Variants in DRC4 observed in about 807,000 individuals in gnomAD.
DRC4 encodes the protein GAS-11.
the DRC4 span, chr16:90,043,011 T>G: frequency 1.6e-6 from 1 of 611,894 alleles, no homozygotes; most frequent in South Asian, 2.2e-5. Flanking sequence ...CTCCCTGTCG[T>G]GCTACCTGAG....
At chr16:90,040,127 A>G in the DRC4 span, 1 of 652,630 alleles carries the variant, frequency 1.5e-6, no homozygotes, top group Non-Finnish European at 2.7e-6. Context: ...TGGCTCTACA[A>G]AGGGCCAGGG....
chr16:90,038,419 C>T, the DRC4 span, among the ~76,000 whole-genome samples: 1 of 152,234 alleles, frequency 6.6e-6, no homozygotes, highest in Non-Finnish European at 1.5e-5. Context: ...CTTTTCACAG[C>T]TGCTTGGTGC....
At chr16:90,022,263 G>A in the DRC4 span, 1 of 159,166 alleles carries the variant, frequency 6.3e-6, no homozygotes, top group Admixed American at 6.5e-5. Flanking sequence ...GTGGGCGGGT[G>A]GGGTGAGTGA....
the DRC4 span, chr16:90,037,680 G>C: frequency 7.2e-7 from 1 of 1,381,384 alleles, no homozygotes; most frequent in Non-Finnish European, 1.0e-6. Flanking sequence ...TTTTGGCCTT[G>C]CCATCTCCCA....
the DRC4 span, chr16:90,037,313 G>A: frequency 1.4e-5 from 22 of 1,613,896 alleles, no homozygotes; most frequent in Non-Finnish European, 1.6e-5. Context: ...CAAGCGCCTG[G>A]CAGACCCTCT....
the DRC4 span, chr16:90,042,549 C>T: frequency 3.1e-6 from 5 of 1,610,968 alleles, no homozygotes; most frequent in Non-Finnish European, 4.2e-6. Context: ...CGGCTGTGCC[C>T]TGCCCTCCCT....
the DRC4 span, chr16:90,042,823 G>T: frequency 1.2e-5 from 6 of 519,570 alleles, no homozygotes; most frequent in Admixed American, 1.3e-4. Context: ...GTCAGAAGGT[G>T]CTGTGCCCAC....
chr16:90,039,510 C>G, the DRC4 span, among the ~76,000 whole-genome samples: 12 of 151,938 alleles, frequency 7.9e-5, 1 homozygote, highest in Admixed American at 7.2e-4. Context: ...CTCGGCCTCC[C>G]GAGTAGCTGG....
chr16:90,035,848 C>A, the DRC4 span: 3 of 1,521,998 alleles, frequency 2.0e-6, no homozygotes, highest in Non-Finnish European at 2.6e-6. Context: ...GCCAGTGGAC[C>A]CACTCAGAAT....
the DRC4 span, chr16:90,037,452 C>T: frequency 6.4e-7 from 1 of 1,554,196 alleles, no homozygotes; most frequent in Non-Finnish European, 8.7e-7. Flanking sequence ...TGCCTAGGCT[C>T]AGGAGGGAGG....
the DRC4 span, among the ~76,000 whole-genome samples, chr16:90,033,088 C>G: frequency 1.2e-4 from 18 of 152,136 alleles, no homozygotes; most frequent in African/African-American, 4.3e-4. Context: ...AAGCATGCAT[C>G]CAAACAAACC....
chr16:90,040,414 G>A, the DRC4 span: 29 of 1,612,174 alleles, frequency 1.8e-5, no homozygotes, highest in Non-Finnish European at 2.2e-5. Context: ...GGCTCTGAGC[G>A]CCGCTGTGGA....
the DRC4 span, among the ~76,000 whole-genome samples, chr16:90,025,896 G>A: frequency 6.6e-6 from 1 of 151,330 alleles, no homozygotes; most frequent in African/African-American, 2.4e-5. Context: ...AAGATAAATG[G>A]ATTTAGGTTT....
chr16:90,032,951 C>G, the DRC4 span: 1 of 1,599,080 alleles, frequency 6.3e-7, no homozygotes, highest in Non-Finnish European at 8.5e-7. Context: ...CACCTGGAGG[C>G]TGACAGGTTG....
At chr16:90,043,351 C>T in the DRC4 span, 2 of 1,603,936 alleles carry the variant, frequency 1.2e-6, no homozygotes, top group South Asian at 1.1e-5. Flanking sequence ...CGTAGCTGCC[C>T]CCCTGGGGGG....
the DRC4 span, among the ~76,000 whole-genome samples, chr16:90,042,036 C>G: frequency 1.3e-5 from 2 of 151,984 alleles, no homozygotes; most frequent in Non-Finnish European, 1.5e-5. Context: ...TTCCCAGGTT[C>G]AAGCAATTCT....
At chr16:90,024,691 T>C in the DRC4 span, among the ~76,000 whole-genome samples, 58,207 of 151,798 alleles carry the variant, frequency 0.38, 11,275 homozygotes, top group South Asian at 0.45. Context: ...TTCTTATATA[T>C]AACTGAGTTT....
At chr16:90,042,349 A>G in the DRC4 span, 4 of 763,238 alleles carry the variant, frequency 5.2e-6, no homozygotes, top group Admixed American at 3.8e-5. Context: ...GGATGGATGC[A>G]TCCATCAAAC....
At chr16:90,022,913 G>A in the DRC4 span, among the ~76,000 whole-genome samples, 1 of 152,166 alleles carries the variant, frequency 6.6e-6, no homozygotes, top group Non-Finnish European at 1.5e-5. Flanking sequence ...CCCGGGGCCT[G>A]GCAGCACTCG....
Sources: gnomAD v4.1 joint callset for allele counts (sites outside exome capture counted in the v4.1 genomes callset) on GRCh38, gnomAD v4.1.1 for gene constraint, MANE v1.5 for transcripts, NCBI Gene and HGNC (gene_info 2026-07-23, HGNC 2026-07-21) for gene names.